The following SLC25A26 variants were observed in gnomAD, a reference collection of about 807,000 sequenced individuals.
The protein encoded by SLC25A26 is mitochondrial S-adenosylmethionine carrier protein.
Under a neutral mutation model 37.8 loss-of-function variants are expected in SLC25A26, and 36 were observed. That is an observed-to-expected ratio of 0.95 (90% CI 0.73 to 1.26). SLC25A26 has a LOEUF of 1.26. Among genes scored for constraint, SLC25A26 ranks in the 50% most tolerant of loss-of-function variants. The pLI, the probability that SLC25A26 is intolerant of heterozygous loss-of-function variation, is 0.00. For missense variants in SLC25A26, 390 were observed against 331.1 expected (o/e 1.18, Z -1.38); for synonymous variants, 129 against 122.5 (o/e 1.05, Z -0.35).
intron 7 of SLC25A26, 64 bp from the exon 8 acceptor site, chr3:66,369,414 C>T (rs1354452971): frequency 6.9e-7 from 1 of 1,443,884 alleles, no homozygotes; most frequent in Non-Finnish European, 9.5e-7. Flanking sequence ...GTCAGGAATT[C>T]TAAAAATTAC....
intron 2 of SLC25A26, among the ~76,000 whole-genome samples, chr3:66,239,840 T>TTTTTTTTA (rs1553666447): frequency 7.2e-6 from 1 of 138,292 alleles, no homozygotes; most frequent in Admixed American, 7.4e-5. Context: ...TTTTTTTTTT[T>TTTTTTTTA]AACAGTGGAT....
intron 3 of SLC25A26, among the ~76,000 whole-genome samples, chr3:66,248,043 ATTATG>A (rs1292326295): frequency 6.6e-6 from 1 of 152,208 alleles, no homozygotes; most frequent in Non-Finnish European, 1.5e-5. Flanking sequence ...TTGATAGATT[ATTATG>A]TTAGACAGAT....
intron 1 of SLC25A26, among the ~76,000 whole-genome samples, chr3:66,209,050 A>G (rs1229893873): frequency 8.3e-5 from 2 of 24,062 alleles, no homozygotes; most frequent in East Asian, 2.7e-3. Flanking sequence ...GTATATATAT[A>G]TATATATATA....
chr3:66,181,027 G>C (rs2070695783), intron 1 of SLC25A26, among the ~76,000 whole-genome samples: 2 of 152,196 alleles, frequency 1.3e-5, no homozygotes, highest in South Asian at 4.1e-4. Context: ...GCCAGGAAGA[G>C]AGCCTTCACC....
In SLC25A26 at chr3:66,334,104, G is replaced by A. The variant is rs145363144; in HGVS notation, c.454-12260G>A. Among the ~76,000 whole-genome samples the A allele has an allele frequency of 1.9e-4, 29 of 152,220 alleles. No individual in the cohort carries two copies. The East Asian group carries it at 5.4e-3, about 28-fold the overall frequency. The stretch of plus-strand genomic sequence containing the variant: ...ACAATAGTAGGTAAAACAGCATTTG[G>A]CATGGAAACTAGAAGACCTATAGGA... On this transcript the variant is annotated intron_variant, in intron 5 of 9. Coordinates refer to ENST00000354883, the MANE Select transcript of SLC25A26 (RefSeq NM_001379210.1).
chr3:66,328,382 A>G lies in SLC25A26; in HGVS notation c.454-17982A>G, dbSNP rs148506289. On this transcript the variant is annotated intron_variant, in intron 5 of 9. Transcript: ENST00000354883. ...TCACGTGAATCAGTGTTAGACCTTC[A>G]TAGTCATAAACTCAGAACATGTGGT... Among the ~76,000 whole-genome samples the G allele has an allele frequency of 6.5e-3, 989 of 152,334 alleles. 8 individuals carry two copies. The highest frequency in any genetic ancestry group is 9.8e-3 in the Non-Finnish European group (668 of 68,012).
rs145477204 is a variant in SLC25A26 at position 66,286,018 on chromosome 3, G to A, written c.453+22639G>A. On this transcript the variant is annotated intron_variant, in intron 5 of 9. Transcript: ENST00000354883. ...TTTGGCATCCTTGCATCTTTTTATC[G>A]TGAAGTATCTGTTCAGTCTTTTTCT... 1.6e-3 allele frequency among the ~76,000 whole-genome samples: 246 copies of A among 152,152 alleles called. 5 individuals carry two copies. The East Asian group carries it at 0.04, about 25-fold the overall frequency.
At chr3:66,334,660 C>G (rs1433544255) in intron 5 of SLC25A26, among the ~76,000 whole-genome samples, 1 of 152,106 alleles carries the variant, frequency 6.6e-6, no homozygotes, top group Non-Finnish European at 1.5e-5. Flanking sequence ...TGTCATCCCT[C>G]TTGCTTCTGC....
intron 5 of SLC25A26, among the ~76,000 whole-genome samples, chr3:66,265,952 G>A (rs903650498): frequency 2.0e-5 from 3 of 152,122 alleles, no homozygotes; most frequent in African/African-American, 7.2e-5. Context: ...TTTACATGCC[G>A]GAGAATACTG....
upstream of SLC25A26, among the ~76,000 whole-genome samples, chr3:66,217,111 G>GA (rs1249814586): frequency 1.3e-5 from 2 of 152,104 alleles, no homozygotes; most frequent in Non-Finnish European, 2.9e-5. Flanking sequence ...CAAGTTACCA[G>GA]AAAATGACAT....
At chr3:66,145,031 A>G (rs937921390) in intron 1 of SLC25A26, among the ~76,000 whole-genome samples, 28 of 152,196 alleles carry the variant, frequency 1.8e-4, no homozygotes, top group Non-Finnish European at 2.9e-4. Flanking sequence ...AGTCAGAGAA[A>G]TGATGCATGC....
intron 6 of SLC25A26, among the ~76,000 whole-genome samples, chr3:66,354,177 T>C (rs1376386140): frequency 6.6e-6 from 1 of 152,112 alleles, no homozygotes; most frequent in East Asian, 1.9e-4. Context: ...TTTTCTATTT[T>C]CTTAGTGTGA....
chr3:66,277,014 T>A (rs1407341891), intron 5 of SLC25A26, among the ~76,000 whole-genome samples: 2 of 152,088 alleles, frequency 1.3e-5, no homozygotes, highest in East Asian at 3.9e-4. Flanking sequence ...AATAGTGTTT[T>A]CCGATCAAGA....
chr3:66,309,254 T>G (rs1319881386), intron 5 of SLC25A26, among the ~76,000 whole-genome samples: 1 of 152,212 alleles, frequency 6.6e-6, no homozygotes, highest in Non-Finnish European at 1.5e-5. Flanking sequence ...GGTGTATGTG[T>G]CCAGGAATTT....
chr3:66,289,317 C>G (rs1037014778), intron 5 of SLC25A26, among the ~76,000 whole-genome samples: 1 of 152,142 alleles, frequency 6.6e-6, no homozygotes, highest in Non-Finnish European at 1.5e-5. Flanking sequence ...TGCAGAAGCT[C>G]TTTAGTTTAA....
chr3:66,176,015 TAA>T (rs370198675), intron 1 of SLC25A26, among the ~76,000 whole-genome samples: 39 of 151,230 alleles, frequency 2.6e-4, no homozygotes, highest in Non-Finnish European at 5.0e-4. Flanking sequence ...GTTGTTAAAT[TAA>T]AAAAAAAATT....
chr3:66,244,654 A>C (rs948485333), intron 3 of SLC25A26, among the ~76,000 whole-genome samples: 70 of 152,186 alleles, frequency 4.6e-4, no homozygotes, highest in African/African-American at 1.7e-3. Flanking sequence ...AAAAATAGGC[A>C]GTCTGTTCCT....
intron 1 of SLC25A26, among the ~76,000 whole-genome samples, chr3:66,173,898 A>C (rs1396709118): frequency 1.3e-5 from 2 of 152,160 alleles, no homozygotes; most frequent in Non-Finnish European, 2.9e-5. Flanking sequence ...TAAAAACACA[A>C]AAAAATTAGC....
chr3:66,202,468 T>C (rs918804699), intron 1 of SLC25A26, among the ~76,000 whole-genome samples: 3 of 149,492 alleles, frequency 2.0e-5, no homozygotes, highest in Non-Finnish European at 4.4e-5. Flanking sequence ...GACCACAGCA[T>C]GTGTATACCT....
Sources: allele counts gnomAD v4.1 joint callset (sites outside exome capture counted in the v4.1 genomes callset), GRCh38; gene constraint gnomAD v4.1.1; transcripts MANE v1.5; gene names NCBI Gene and HGNC (gene_info 2026-07-23, HGNC 2026-07-21).